Variants in VAV3 observed in about 807,000 individuals in gnomAD.
VAV3 encodes guanine nucleotide exchange factor VAV3.
Under a neutral mutation model 131.2 loss-of-function variants are expected in VAV3, and 94 were observed. That is an observed-to-expected ratio of 0.72 (90% confidence interval 0.61 to 0.85). The LOEUF (loss-of-function observed/expected upper bound fraction) is 0.85. Among genes scored for constraint, VAV3 ranks in the 40% least tolerant of loss-of-function variants. VAV3 has a pLI of 0.00. For missense variants in VAV3, 939 were observed against 1,002.7 expected, an observed-to-expected ratio of 0.94 and a Z score of 0.86; for synonymous variants, 349 against 342.0, an observed-to-expected ratio of 1.02 and a Z score of -0.22.
At chr1:107,896,379 A>C (rs1376144238) in intron 1 of VAV3, among the ~76,000 whole-genome samples, 1 of 142,214 alleles carries the variant, frequency 7.0e-6, no homozygotes, top group Non-Finnish European at 1.6e-5. Flanking sequence ...GTCCTCTTTC[A>C]TCAAATTAAT....
At chr1:107,573,998 T>C in intron 26 of VAV3, 49 bp downstream of exon 26, 1 of 1,601,130 alleles carries the variant, frequency 6.2e-7, no homozygotes, top group South Asian at 1.1e-5. Flanking sequence ...AAACAACTGC[T>C]CAGTCCCCTT....
At chr1:107,580,785 A>T (rs1041263618) in intron 25 of VAV3, among the ~76,000 whole-genome samples, 1 of 152,244 alleles carries the variant, frequency 6.6e-6, no homozygotes, top group Non-Finnish European at 1.5e-5. Flanking sequence ...GCAATATCAG[A>T]ATAAGGTATT....
At chr1:107,774,573 T>C (rs1570934687) in intron 4 of VAV3, among the ~76,000 whole-genome samples, 1 of 152,234 alleles carries the variant, frequency 6.6e-6, no homozygotes, top group Non-Finnish European at 1.5e-5. Context: ...AAAGCTGTGA[T>C]ATTTTTCAAA....
intron 2 of VAV3, among the ~76,000 whole-genome samples, chr1:107,863,051 C>T (rs937027010): frequency 3.3e-5 from 5 of 152,088 alleles, no homozygotes; most frequent in Non-Finnish European, 7.4e-5. Flanking sequence ...CATATCTACT[C>T]GGTTGTAAAA....
intron 10 of VAV3, among the ~76,000 whole-genome samples, chr1:107,758,048 AAACTT>A (rs1429215557): frequency 5.3e-5 from 8 of 152,148 alleles, no homozygotes; most frequent in African/African-American, 1.4e-4. Flanking sequence ...AACATTCCCC[AAACTT>A]AATCAATCTT....
intron 1 of VAV3, among the ~76,000 whole-genome samples, chr1:107,875,851 G>A (rs1341371990): frequency 6.6e-6 from 1 of 152,152 alleles, no homozygotes; most frequent in Non-Finnish European, 1.5e-5. Flanking sequence ...CCAGAGTGTG[G>A]TCACTTTTTG....
chr1:107,753,561 C>CACACACT (rs534112081), intron 12 of VAV3, among the ~76,000 whole-genome samples: 2 of 81,550 alleles, frequency 2.5e-5, no homozygotes, highest in African/African-American at 4.7e-5. Flanking sequence ...CACACACACA[C>CACACACT]TTTTTTTTTT....
intron 15 of VAV3, among the ~76,000 whole-genome samples, chr1:107,709,326 T>A (rs1306894061): frequency 6.6e-6 from 1 of 152,068 alleles, no homozygotes; most frequent in Non-Finnish European, 1.5e-5. Flanking sequence ...TCAGAAAAAA[T>A]ATGCTTTTAC....
At chr1:107,874,564 C>T (rs566510168) in intron 2 of VAV3, among the ~76,000 whole-genome samples, 1 of 151,716 alleles carries the variant, frequency 6.6e-6, no homozygotes, top group Non-Finnish European at 1.5e-5. Context: ...ACCTAAAGGG[C>T]AGATAATAGT....
intron 22 of VAV3, among the ~76,000 whole-genome samples, chr1:107,603,808 C>CTT (rs781360605): frequency 4.9e-5 from 7 of 141,800 alleles, no homozygotes; most frequent in Admixed American, 1.4e-4. Context: ...ATGCTAGTAA[C>CTT]TTTTTTTTTT....
At chr1:107,653,680 T>A (rs997549413) in intron 19 of VAV3, among the ~76,000 whole-genome samples, 1 of 152,130 alleles carries the variant, frequency 6.6e-6, no homozygotes, top group Middle Eastern at 3.2e-3. Context: ...TATACATTTA[T>A]CAGTTTAAAA....
chr1:107,955,615 A>G (rs1404799521), intron 1 of VAV3, among the ~76,000 whole-genome samples: 2 of 152,200 alleles, frequency 1.3e-5, no homozygotes. Context: ...CAGGGAAGAC[A>G]ATACAAAGAT....
At chr1:107,964,359 CCACA>C (rs3833474) in intron 1 of VAV3, 21,492 of 264,574 alleles carry the variant, frequency 0.081, 1,627 homozygotes, top group African/African-American at 0.24. Flanking sequence ...CTTTGTCGCG[CCACA>C]CACACGCAGA....
At chr1:107,697,596 TAGTA>T (rs1451688437) in intron 17 of VAV3, among the ~76,000 whole-genome samples, 6 of 152,310 alleles carry the variant, frequency 3.9e-5, no homozygotes, top group East Asian at 1.9e-4. Flanking sequence ...GAGGATATCT[TAGTA>T]AGCATTATCT....
chr1:107,734,243 C>T (rs1662446272), intron 15 of VAV3, among the ~76,000 whole-genome samples: 1 of 152,180 alleles, frequency 6.6e-6, no homozygotes, highest in Non-Finnish European at 1.5e-5. Flanking sequence ...CCGGTAACAG[C>T]CACTGCAAAA....
At chr1:107,939,882 G>A (rs1051492810) in intron 1 of VAV3, among the ~76,000 whole-genome samples, 1 of 152,082 alleles carries the variant, frequency 6.6e-6, no homozygotes, top group African/African-American at 2.4e-5. Context: ...GAAGCCCAGA[G>A]GAGGAAGAGT....
intron 9 of VAV3, among the ~76,000 whole-genome samples, chr1:107,763,834 G>C (rs1029273727): frequency 2.6e-5 from 4 of 151,758 alleles, no homozygotes; most frequent in Non-Finnish European, 4.4e-5. Context: ...AACAGTGAAG[G>C]GCTTCTGATT....
intron 1 of VAV3, among the ~76,000 whole-genome samples, chr1:107,947,206 T>G (rs1416396222): frequency 6.6e-6 from 1 of 152,206 alleles, no homozygotes; most frequent in African/African-American, 2.4e-5. Context: ...CAATTCTGGG[T>G]AGAGTGTTAC....
intron 25 of VAV3, among the ~76,000 whole-genome samples, chr1:107,585,838 A>T (rs1650442432): frequency 6.6e-6 from 1 of 152,184 alleles, no homozygotes; most frequent in Admixed American, 6.5e-5. Flanking sequence ...TGCTCTACAC[A>T]CACTGTAGTT....
Sources: allele counts gnomAD v4.1 joint callset (sites outside exome capture counted in the v4.1 genomes callset), GRCh38; gene constraint gnomAD v4.1.1; transcripts MANE v1.5; gene names NCBI Gene and HGNC (gene_info 2026-07-23, HGNC 2026-07-21).